Variants in SYTL5 observed in about 807,000 individuals in gnomAD.
SYTL5 encodes the protein synaptotagmin like 5, also known as synaptotagmin-like protein 5.
Under a neutral mutation model 55.9 loss-of-function variants are expected in SYTL5, and 34 were observed. That is an observed-to-expected ratio of 0.61 (90% confidence interval 0.46 to 0.81). The LOEUF is 0.81. Ranked by LOEUF, SYTL5 falls within the 30% of genes least tolerant of loss-of-function variation. The probability of loss-of-function intolerance (pLI) is 0.00; values close to 1 mark genes in which losing one functional copy is unlikely to be tolerated. For synonymous variants in SYTL5, 221 were observed against 188.7 expected (o/e 1.17, Z -1.40); for missense variants, 637 against 546.7 (o/e 1.17, Z -1.65).
At chrX:38,075,473 A>G (rs1038056622) in intron 5 of SYTL5, among the ~76,000 whole-genome samples, 2 of 111,577 alleles carry the variant, frequency 1.8e-5, no homozygotes, top group Non-Finnish European at 3.8e-5. Flanking sequence ...TATAGGAGTC[A>G]TCCAGAAAGA....
chrX:38,072,289 C>T lies in SYTL5; in HGVS notation c.445+127C>T, dbSNP rs1936286940. On this transcript the variant is annotated intron_variant, in intron 4 of 16. Transcript: ENST00000297875. ...TTGAATCCCTTAGGGCATTTCACAACTTGGTAGCATGAAATCTAGATACGT... is the reference window on the plus strand; with the variant it reads ...TTGAATCCCTTAGGGCATTTCACAATTTGGTAGCATGAAATCTAGATACGT... 1.1e-5 allele frequency: 5 copies of T among 448,178 alleles called. No homozygotes were observed. In the South Asian group the frequency reaches 2.5e-4, roughly 22 times the overall value. 36.9% of individuals were successfully genotyped at this position (448,178 alleles called of 1,213,427 possible). A position where few individuals can be genotyped will look rare whatever the true frequency, so the allele number is the denominator to read the frequency against.
chrX:38,000,889 G>T, the SYTL5 span, among the ~76,000 whole-genome samples: 3 of 111,859 alleles, frequency 2.7e-5, no homozygotes, highest in Admixed American at 1.9e-4. Flanking sequence ...TTGTTTTGCT[G>T]GTCAATGGCC....
chrX:38,052,652 T>C (rs1362293549), intron 2 of SYTL5, among the ~76,000 whole-genome samples: 1 of 112,262 alleles, frequency 8.9e-6, no homozygotes, highest in East Asian at 2.8e-4. Context: ...CTTTATTACC[T>C]AGCATGAAAT....
the SYTL5 span, among the ~76,000 whole-genome samples, chrX:37,969,677 G>C: frequency 8.9e-6 from 1 of 111,929 alleles, no homozygotes; most frequent in Admixed American, 9.5e-5. Context: ...CTGTCGCCCA[G>C]GCTGCAGTGC....
the SYTL5 span, among the ~76,000 whole-genome samples, chrX:37,936,026 A>T: frequency 1.1e-4 from 12 of 112,327 alleles, no homozygotes; most frequent in African/African-American, 3.9e-4. Context: ...TTAAAAATGG[A>T]AAAAGATATA....
intron 3 of SYTL5, among the ~76,000 whole-genome samples, chrX:38,057,638 C>T (rs1438212347): frequency 4.5e-5 from 5 of 111,644 alleles, no homozygotes; most frequent in Non-Finnish European, 7.6e-5. Flanking sequence ...TCTTTTATTA[C>T]TTACTTTGGA....
intron 8 of SYTL5, among the ~76,000 whole-genome samples, chrX:38,094,794 A>G (rs1011931796): frequency 8.9e-6 from 1 of 112,000 alleles, no homozygotes; most frequent in Non-Finnish European, 1.9e-5. Context: ...CAATTGATAT[A>G]GTAGTCAGAA....
chrX:37,908,651 C>G, the SYTL5 span, among the ~76,000 whole-genome samples: 195 of 111,771 alleles, frequency 1.7e-3, no homozygotes, highest in African/African-American at 6.0e-3. Context: ...CAGATTTCCC[C>G]TCTCCACATG....
chrX:37,998,136 A>C, the SYTL5 span, among the ~76,000 whole-genome samples: 1 of 112,008 alleles, frequency 8.9e-6, no homozygotes, highest in African/African-American at 3.2e-5. Context: ...AAGCTATTCT[A>C]TTGCTCAGTA....
chrX:37,949,544 T>G, the SYTL5 span: 1 of 111,938 alleles, frequency 8.9e-6, no homozygotes, highest in African/African-American at 3.2e-5. Flanking sequence ...TGCTTCCACC[T>G]TAATCAGCTT....
At chrX:37,995,049 C>T in the SYTL5 span, among the ~76,000 whole-genome samples, 1 of 110,304 alleles carries the variant, frequency 9.1e-6, no homozygotes, top group Admixed American at 9.6e-5. Context: ...TTAGAGGGGG[C>T]AGTTTCCAAT....
At chrX:37,936,011 G>A in the SYTL5 span, among the ~76,000 whole-genome samples, 3 of 111,722 alleles carry the variant, frequency 2.7e-5, no homozygotes, top group South Asian at 3.7e-4. Flanking sequence ...CAAATATGTC[G>A]AAAGTTAAAA....
the SYTL5 span, among the ~76,000 whole-genome samples, chrX:37,920,697 C>G: frequency 9.0e-6 from 1 of 110,747 alleles, no homozygotes; most frequent in African/African-American, 3.3e-5. Flanking sequence ...CCCTTCTGTG[C>G]CCCCAATATG....
rs768499811 is a variant in SYTL5 at position 38,073,506 on chromosome X, G to T, written c.446-84G>T. The T allele has an allele frequency of 9.9e-6, 7 of 708,581 alleles. No homozygotes were observed. In the East Asian group the frequency reaches 1.8e-4, roughly 18 times the overall value. The allele number at this position is 708,581 out of a possible 1,213,427, so 58.4% of individuals were successfully genotyped here. On this transcript the variant is annotated intron_variant, in intron 4 of 16. Coordinates refer to ENST00000297875, the MANE Select transcript of SYTL5 (RefSeq NM_138780.3). ...AGACTTCCTTGCCCTGAGCTAATCT[G>T]GGAAAGTGAAAGCAGAATATAAATT...
At position 38,072,150 on chromosome X, in the gene SYTL5, A is replaced by C; in HGVS notation, c.433A>C (p.Arg145=). Reference sequence around the variant, plus strand: ...TGATGTTGTCCGACAGTCCATTTTAAGAAGAAGTCCAGGTAATTAAAGCAA... The same window carrying C: ...TGATGTTGTCCGACAGTCCATTTTACGAAGAAGTCCAGGTAATTAAAGCAA... ...GTDVVRQSIL[R]RSPGAEEVQS... The change falls in exon 4 of 17, where the codon AGA becomes CGA. Residue 145 remains arginine (R), a synonymous_variant. Coordinates refer to ENST00000297875, the MANE Select transcript of SYTL5 (RefSeq NM_138780.3). The C allele has an allele frequency of 8.3e-7, 1 of 1,202,055 alleles. No homozygotes were observed. The highest frequency in any genetic ancestry group is 1.1e-6 in the Non-Finnish European group (1 of 886,987).
At chrX:37,991,099 G>A in the SYTL5 span, 1 of 1,211,787 alleles carries the variant, frequency 8.3e-7, no homozygotes, top group East Asian at 3.0e-5. Context: ...GATAGGGAGA[G>A]AGAAGTGGAC....
the SYTL5 span, among the ~76,000 whole-genome samples, chrX:37,932,559 T>C: frequency 4.5e-5 from 5 of 111,764 alleles, no homozygotes; most frequent in East Asian, 1.4e-3. Flanking sequence ...ACTGAGGGTG[T>C]TGGAATAGCA....
intron 10 of SYTL5, among the ~76,000 whole-genome samples, chrX:38,105,525 C>T (rs1031311277): frequency 3.6e-5 from 4 of 112,012 alleles, no homozygotes; most frequent in Non-Finnish European, 7.5e-5. Flanking sequence ...TCTGAGTAGC[C>T]TCTCCAAAGG....
chrX:38,038,229 T>C (rs1334357641), intron 2 of SYTL5, among the ~76,000 whole-genome samples: 1 of 111,984 alleles, frequency 8.9e-6, no homozygotes, highest in Non-Finnish European at 1.9e-5. Context: ...GTTAAGTTGA[T>C]ACAAATAATT....
Sources: gnomAD v4.1 joint callset for allele counts (sites outside exome capture counted in the v4.1 genomes callset) on GRCh38, gnomAD v4.1.1 for gene constraint, MANE v1.5 for transcripts, NCBI Gene and HGNC (gene_info 2026-07-23, HGNC 2026-07-21) for gene names.